The following ZNF330 variants were observed in gnomAD, a reference collection of about 807,000 sequenced individuals.
ZNF330 encodes zinc finger protein 330.
In ZNF330, 31 loss-of-function variants were observed where a neutral mutation model predicts 45.5. That is an observed-to-expected ratio of 0.68 (90% CI 0.51 to 0.92). The LOEUF (loss-of-function observed/expected upper bound fraction) is 0.92. Among genes scored for constraint, ZNF330 ranks in the 40% least tolerant of loss-of-function variants. The pLI is 0.00. For synonymous variants in ZNF330, 138 were observed against 123.2 expected (o/e 1.12, Z -0.79); for missense variants, 356 against 387.4 (o/e 0.92, Z 0.68).
At chr4:141,226,872 T>A in intron 5 of ZNF330, 26 bp downstream of exon 5, 1 of 1,551,952 alleles carries the variant, frequency 6.4e-7, no homozygotes. Context: ...TCTCTTAGAC[T>A]AGTACGTTTT....
chr4:141,226,955 A>G (rs772856135), intron 5 of ZNF330, 109 bp downstream of exon 5: 15 of 866,098 alleles, frequency 1.7e-5, no homozygotes, highest in East Asian at 1.1e-4. Flanking sequence ...CCTTGTTTCA[A>G]TCAATCTGTA....
At position 141,222,330 on chromosome 4, in the gene ZNF330, C is replaced by A; in HGVS notation, c.-6-36C>A. ...TATTAAAATAGTAAATGCAGTCAGTCAATTATATCTTTTCTGTTCTCTTGT... is the reference window on the plus strand; with the variant it reads ...TATTAAAATAGTAAATGCAGTCAGTAAATTATATCTTTTCTGTTCTCTTGT... On this transcript the variant is annotated intron_variant, in intron 1 of 9. Coordinates refer to ENST00000262990, the MANE Select transcript of ZNF330 (RefSeq NM_014487.6). 4 of 1,594,656 alleles carry A rather than the reference C, an allele frequency of 2.5e-6. No individual in the cohort carries two copies. In the South Asian group the frequency reaches 4.5e-5, roughly 18 times the overall value.
rs954801183 is a variant in ZNF330 at position 141,233,717 on chromosome 4, C to T, written c.691C>T (p.Arg231Cys). The T allele has an allele frequency of 3.3e-5, 53 of 1,612,328 alleles. No individual in the cohort carries two copies. Among genetic ancestry groups the T allele is most frequent in the Admixed American group, 5.0e-5 (3 of 59,816 alleles). Residue 231 changes from arginine (R) to cysteine (C), a missense_variant and splice_region_variant, in exon 10 of 10, where the codon CGC (arginine) becomes TGC (cysteine). Arg to Cys is a radical substitution (Grantham distance 180). Coordinates refer to ENST00000262990, the MANE Select transcript of ZNF330 (RefSeq NM_014487.6). ...TTGTACTTGTCTGTCTTCTATAGCA[C>T]GCTCCCTGAAATTTGGCAGGCAGAC... ...QETKDLSMST[R>C]SLKFGRQTGG...
At position 141,232,577 on chromosome 4, in the gene ZNF330, G is replaced by T; in HGVS notation, c.623G>T (p.Gly208Val). ...AGCAAAGTGTTTAAGCAAGAAAAAG[G>T]AAAACAGCCTCCTTGTCCTAAATGT... is the stretch of plus-strand genomic sequence containing the variant. ...TRSKVFKQEK[G>V]KQPPCPKCGH... Residue 208 changes from glycine to valine, a missense_variant, in exon 9 of 10, where the codon GGA becomes GTA. Physicochemically the swap from Gly to Val is moderately radical, Grantham distance 109. Transcript: ENST00000262990. 1 of 1,600,820 alleles carries T rather than the reference G, an allele frequency of 6.2e-7. No homozygotes were observed. Among genetic ancestry groups the T allele is most frequent in the Non-Finnish European group, 8.5e-7 (1 of 1,173,538 alleles).
chr4:141,230,329 A>T (rs973708547), intron 7 of ZNF330, 59 bp downstream of exon 7: 3 of 1,009,810 alleles, frequency 3.0e-6, no homozygotes, highest in Non-Finnish European at 2.9e-6. Context: ...TATAATTATT[A>T]ATCTTAATGA....
upstream of ZNF330, among the ~76,000 whole-genome samples, chr4:141,220,556 A>G (rs1728647581): frequency 6.6e-6 from 1 of 152,196 alleles, no homozygotes; most frequent in Admixed American, 6.5e-5. Flanking sequence ...AGCAACCAAG[A>G]AAAGGTGGGA....
intron 5 of ZNF330, among the ~76,000 whole-genome samples, chr4:141,227,890 C>A (rs934307869): frequency 2.6e-5 from 4 of 151,864 alleles, no homozygotes; most frequent in African/African-American, 9.7e-5. Context: ...ATAATAAAAC[C>A]AACTGGATTA....
Position 141,232,558 on chromosome 4 carries a change from G to C in ZNF330, c.604G>C (p.Val202Leu). ...CTGTGATGATCATACAAGGAGCAAA[G>C]TGTTTAAGCAAGAAAAAGGAAAACA... ...CFCDDHTRSK[V>L]FKQEKGKQPP... Residue 202 changes from valine (V) to leucine (L), a missense_variant, in exon 9 of 10, where the codon GTG (valine) becomes CTG (leucine). Transcript: ENST00000262990. 6.3e-7 allele frequency: 1 copy of C among 1,598,196 alleles called. No homozygotes were observed. Among genetic ancestry groups the C allele is most frequent in the Non-Finnish European group, 8.5e-7 (1 of 1,172,784 alleles).
Position 141,231,504 on chromosome 4 carries a change from T to C in ZNF330, c.570+19T>C. On this transcript the variant is annotated intron_variant, in intron 8 of 9. Transcript: ENST00000262990. ...TTGTAAGGTATACCAATGCGTTTTTTTCTTTTTAGATTTTGTTTTTAATCT... is the reference window on the plus strand; with the variant it reads ...TTGTAAGGTATACCAATGCGTTTTTCTCTTTTTAGATTTTGTTTTTAATCT... The C allele has an allele frequency of 6.3e-7, 1 of 1,575,552 alleles. No individual in the cohort carries two copies.
intron 1 of ZNF330, among the ~76,000 whole-genome samples, chr4:141,221,636 G>GT (rs140677133): frequency 0.033 from 4,920 of 147,482 alleles, 270 homozygotes; most frequent in African/African-American, 0.11. Flanking sequence ...CACCTGTTTT[G>GT]TTTTTTTTTT....
intron 8 of ZNF330, among the ~76,000 whole-genome samples, chr4:141,231,896 T>C (rs1006587848): frequency 2.6e-5 from 4 of 152,140 alleles, no homozygotes; most frequent in African/African-American, 9.6e-5. Flanking sequence ...ATGCAGCCAA[T>C]GCCCTTCCTC....
At chr4:141,226,881 T>C in intron 5 of ZNF330, 35 bp downstream of exon 5, 1 of 1,520,708 alleles carries the variant, frequency 6.6e-7, no homozygotes, top group Non-Finnish European at 9.0e-7. Context: ...CTAGTACGTT[T>C]TCAAGGATAA....
chr4:141,230,210 G>A lies in ZNF330; in HGVS notation c.463G>A (p.Glu155Lys). Reference sequence around the variant, plus strand: ...TTCTTTTTGCCATAACTTTCTCTGTGAAGATGATCAATTTGAGCATCAAGC... The same window carrying A: ...TTCTTTTTGCCATAACTTTCTCTGTAAAGATGATCAATTTGAGCATCAAGC... ...SCSFCHNFLC[E>K]DDQFEHQASC... Residue 155 changes from glutamate (E) to lysine (K), a missense_variant, in exon 7 of 10, where the codon GAA becomes AAA. Physicochemically the swap from Glu to Lys is moderately conservative, Grantham distance 56 (BLOSUM62 1). Transcript: ENST00000262990. The A allele has an allele frequency of 1.2e-6, 2 of 1,611,634 alleles. No homozygotes were observed. The highest frequency in any genetic ancestry group is 1.7e-6 in the Non-Finnish European group (2 of 1,178,728).
intron 8 of ZNF330, 102 bp downstream of exon 8, chr4:141,231,587 C>A: frequency 1.3e-6 from 1 of 784,948 alleles, no homozygotes; most frequent in Non-Finnish European, 2.0e-6. Flanking sequence ...TATAAGGGAC[C>A]TTAAAATTAT....
intron 9 of ZNF330, among the ~76,000 whole-genome samples, chr4:141,233,150 G>A (rs759793224): frequency 1.3e-5 from 2 of 151,986 alleles, no homozygotes; most frequent in South Asian, 2.1e-4. Context: ...AATGCAGCTC[G>A]CAATTTTGTT....
At position 141,222,511 on chromosome 4, in the gene ZNF330, T is replaced by A; in HGVS notation, c.120+20T>A. Reference sequence around the variant, plus strand: ...TCAATGGTATCAGCTTTTTTTGATATCAGTTGGTAGTTGGAAAAACTATAT... The same window carrying A: ...TCAATGGTATCAGCTTTTTTTGATAACAGTTGGTAGTTGGAAAAACTATAT... On this transcript the variant is annotated intron_variant, in intron 2 of 9. Transcript: ENST00000262990. 1 of 1,604,828 alleles carries A rather than the reference T, an allele frequency of 6.2e-7. No individual in the cohort carries two copies. The highest frequency in any genetic ancestry group is 8.5e-7 in the Non-Finnish European group (1 of 1,176,732).
intron 2 of ZNF330, 89 bp downstream of exon 2, chr4:141,222,580 CAG>C: frequency 7.0e-7 from 1 of 1,422,654 alleles, no homozygotes; most frequent in Non-Finnish European, 9.5e-7. Context: ...TTAGTGAAGA[CAG>C]TGTTTTTGCA....
At position 141,231,499 on chromosome 4, in the gene ZNF330, T is replaced by C; in HGVS notation, c.570+14T>C. ...CTCCGTTGTAAGGTATACCAATGCG[T>C]TTTTTTCTTTTTAGATTTTGTTTTT... On this transcript the variant is annotated intron_variant, in intron 8 of 9. Transcript: ENST00000262990. The C allele has an allele frequency of 6.4e-7, 1 of 1,574,210 alleles. No individual in the cohort carries two copies. The highest frequency in any genetic ancestry group is 8.6e-7 in the Non-Finnish European group (1 of 1,162,706).
Position 141,226,817 on chromosome 4 carries a change from G to A in ZNF330, c.262G>A (p.Gly88Ser). Residue 88 changes from glycine (G) to serine (S), a missense_variant, in exon 5 of 10, where the codon GGT (glycine) becomes AGT (serine). Physicochemically the swap from Gly to Ser is moderately conservative, Grantham distance 56. Transcript: ENST00000262990. ...KSSDCVIKHA[G>S]VYSTGLAMVG... Reference sequence around the variant, plus strand: ...TTCAGACTGTGTCATAAAGCATGCTGGTGTATACAGTACTGGCCTTGCAAT... The same window carrying A: ...TTCAGACTGTGTCATAAAGCATGCTAGTGTATACAGTACTGGCCTTGCAAT... 5.6e-6 allele frequency: 9 copies of A among 1,612,998 alleles called. No homozygotes were observed. The highest frequency in any genetic ancestry group is 7.6e-6 in the Non-Finnish European group (9 of 1,179,324).
Sources: allele counts gnomAD v4.1 joint callset (sites outside exome capture counted in the v4.1 genomes callset), GRCh38; gene constraint gnomAD v4.1.1; transcripts MANE v1.5; gene names NCBI Gene and HGNC (gene_info 2026-07-23, HGNC 2026-07-21).